Variants in FAM184B observed in about 807,000 individuals in gnomAD.
The protein encoded by FAM184B is protein FAM184B.
A neutral mutation model predicts 135.9 loss-of-function variants in FAM184B; 111 were observed. The ratio of observed to expected loss-of-function variants is 0.82; its 90% CI spans 0.70 to 0.96. FAM184B has a LOEUF of 0.96. FAM184B is among the 40% of genes least tolerant of loss of function. The pLI is 0.00. For synonymous variants in FAM184B, 552 were observed against 524.8 expected, an observed-to-expected ratio of 1.05 and a Z score of -0.71; for missense variants, 1,375 against 1,323.9, an observed-to-expected ratio of 1.04 and a Z score of -0.60.
chr4:17,652,146 T>TTTTTTTTTTTTTTTTTTTTTTTTTTTTTG (rs762642185), intron 11 of FAM184B, among the ~76,000 whole-genome samples: 1 of 131,934 alleles, frequency 7.6e-6, no homozygotes, highest in Non-Finnish European at 1.6e-5. Context: ...TTTTTTTTTT[T>TTTTTTTTTTTTTTTTTTTTTTTTTTTTTG]TTGAGTCTTG....
intron 11 of FAM184B, among the ~76,000 whole-genome samples, chr4:17,648,409 C>G (rs998154867): frequency 6.6e-6 from 1 of 151,794 alleles, no homozygotes; most frequent in African/African-American, 2.4e-5. Context: ...TGCAGTGACA[C>G]GATCTCGGCT....
At chr4:17,633,581 GA>G in intron 17 of FAM184B, 107 bp downstream of exon 17, 7 of 1,070,322 alleles carry the variant, frequency 6.5e-6, no homozygotes, top group South Asian at 2.1e-5. Context: ...AATCATCCAT[GA>G]AAAAAGGCCT....
At chr4:17,762,793 C>T (rs1718575772) in intron 1 of FAM184B, among the ~76,000 whole-genome samples, 1 of 152,188 alleles carries the variant, frequency 6.6e-6, no homozygotes, top group Admixed American at 6.5e-5. Context: ...TCTAAACCCT[C>T]CAAGTTGTTT....
chr4:17,776,358 G>A (rs77592002), intron 1 of FAM184B, among the ~76,000 whole-genome samples: 2,085 of 152,276 alleles, frequency 0.014, 51 homozygotes, highest in African/African-American at 0.047. Context: ...GGATGGATAA[G>A]TAAATGTAAT....
At chr4:17,727,244 T>C (rs1263841248) in intron 1 of FAM184B, among the ~76,000 whole-genome samples, 2 of 151,840 alleles carry the variant, frequency 1.3e-5, no homozygotes, top group Non-Finnish European at 2.9e-5. Flanking sequence ...ACACACAGGG[T>C]CATGTGAAAC....
chr4:17,704,003 C>G (rs575814135), intron 5 of FAM184B, among the ~76,000 whole-genome samples: 4 of 151,982 alleles, frequency 2.6e-5, no homozygotes, highest in African/African-American at 9.7e-5. Flanking sequence ...TACAGTCACA[C>G]AGCTTGTGTC....
chr4:17,765,711 C>T (rs545960272), intron 1 of FAM184B, among the ~76,000 whole-genome samples: 1 of 152,286 alleles, frequency 6.6e-6, no homozygotes, highest in Non-Finnish European at 1.5e-5. Context: ...TGTGGTAATG[C>T]GTCCGGAAAT....
chr4:17,757,305 A>G (rs968258526), intron 1 of FAM184B, among the ~76,000 whole-genome samples: 39 of 152,308 alleles, frequency 2.6e-4, no homozygotes, highest in African/African-American at 8.9e-4. Context: ...GAAACCACAG[A>G]TTTAAAAAAT....
rs1470835766 is a variant in FAM184B, at chr4:17,632,689, C to A, written c.3090-64G>T. The A allele has an allele frequency of 2.8e-6, 3 of 1,086,246 alleles. No individual in the cohort carries two copies. The Admixed American group carries it at 7.0e-5, about 25-fold the overall frequency. 67.3% of individuals were successfully genotyped at this position (1,086,246 alleles called of 1,614,324 possible). A position where few individuals can be genotyped will look rare whatever the true frequency, so the allele number is the denominator to read the frequency against. On this transcript the variant is annotated intron_variant, in intron 17 of 17. Coordinates refer to ENST00000265018, the MANE Select transcript of FAM184B (RefSeq NM_015688.2). ...ACTATGCAAGAAGCAGCTTAATACC[C>A]ACCATCTTTTCAGGGAAAGATAACT...
At position 17,707,764 on chromosome 4, in the gene FAM184B, C is replaced by G. The variant is rs1717151530; in HGVS notation, c.915G>C (p.Lys305Asn). ...ACTCTGAATTCTCCTGTCGAGCCTCCTTAAGCTGCACATCCAGGTCCTAAA... is the reference window on the plus strand; with the variant it reads ...ACTCTGAATTCTCCTGTCGAGCCTCGTTAAGCTGCACATCCAGGTCCTAAA... ...ERIQDLDVQL[K>N]EARQENSELK... The change falls in exon 3 of 18, where the codon AAG becomes AAC. Residue 305 changes from lysine to asparagine, a missense_variant. Lys to Asn is a moderately conservative substitution (Grantham distance 94). Transcript: ENST00000265018. The G allele has an allele frequency of 2.6e-6, 4 of 1,551,886 alleles. No homozygotes were observed. The highest frequency in any genetic ancestry group is 2.0e-5 in the Admixed American group (1 of 50,988).
At chr4:17,655,112 C>G (rs933814705) in intron 10 of FAM184B, among the ~76,000 whole-genome samples, 2 of 152,164 alleles carry the variant, frequency 1.3e-5, no homozygotes, top group African/African-American at 4.8e-5. Flanking sequence ...TCCCAAAGTT[C>G]TGGGATTACA....
rs1345635790 is a variant in FAM184B, at chr4:17,635,026, A to G, written c.2872T>C (p.Leu958=). The stretch of plus-strand genomic sequence containing the variant: ...CAATTTACCTTCATGGAAGGGGTCA[A>G]ATATCCCGGGTGAGGATTGAAAGAG... ...SFSFNPHPGY[L]TPSMKKKKVE... Residue 958 remains leucine, a synonymous_variant, in exon 16 of 18, where the codon TTG becomes CTG. Coordinates refer to ENST00000265018, the MANE Select transcript of FAM184B (RefSeq NM_015688.2). The G allele has an allele frequency of 5.8e-6, 9 of 1,551,862 alleles. No homozygotes were observed. Among genetic ancestry groups the G allele is most frequent in the South Asian group, 2.4e-5 (2 of 84,048 alleles).
At chr4:17,667,307 T>C (rs569047173) in intron 7 of FAM184B, among the ~76,000 whole-genome samples, 1 of 152,270 alleles carries the variant, frequency 6.6e-6, no homozygotes, top group Non-Finnish European at 1.5e-5. Flanking sequence ...GATTGCTGCA[T>C]TGTCATGAAA....
chr4:17,765,513 T>A (rs1718649466), intron 1 of FAM184B, among the ~76,000 whole-genome samples: 1 of 150,188 alleles, frequency 6.7e-6, no homozygotes, highest in Non-Finnish European at 1.5e-5. Flanking sequence ...TCCCTCGTAT[T>A]GACAATATTT....
chr4:17,764,386 C>T (rs748224698), intron 1 of FAM184B, among the ~76,000 whole-genome samples: 1 of 152,198 alleles, frequency 6.6e-6, no homozygotes, highest in Non-Finnish European at 1.5e-5. Context: ...TGGAAGGGCT[C>T]ATCGAAGCAC....
intron 1 of FAM184B, among the ~76,000 whole-genome samples, chr4:17,710,291 T>C (rs1301621323): frequency 6.6e-6 from 1 of 151,700 alleles, no homozygotes; most frequent in African/African-American, 2.4e-5. Context: ...ACCATTGCAC[T>C]CCAGCCTGGG....
At chr4:17,688,680 CTTT>C (rs34337003) in intron 6 of FAM184B, 149 bp from the exon 7 acceptor site, 749 of 117,526 alleles carry the variant, frequency 6.4e-3, no homozygotes, top group South Asian at 0.022. Flanking sequence ...CTAGAAATGC[CTTT>C]TTTTTTTTTT....
rs969478682 is a variant in FAM184B at position 17,705,753 on chromosome 4, T to C, written c.1169A>G (p.Gln390Arg). 2 of 1,551,630 alleles carry C rather than the reference T, an allele frequency of 1.3e-6. No individual in the cohort carries two copies. The highest frequency in any genetic ancestry group is 2.7e-5 in the African/African-American group (2 of 73,062). ...CPCMKGGTDM[Q>R]TKKEASAETE... is the part of the protein sequence containing the mutation. ...CCCCAGGGCTGGGTCAGACACTACC[T>C]GCATATCTGTGCCTCCTTTCATGCA... The change falls in exon 4 of 18, where the codon CAG becomes CGG. Residue 390 changes from glutamine to arginine, a missense_variant and splice_region_variant. Transcript: ENST00000265018.
At chr4:17,714,326 G>C (rs752303622) in intron 1 of FAM184B, among the ~76,000 whole-genome samples, 17 of 152,076 alleles carry the variant, frequency 1.1e-4, no homozygotes, top group Admixed American at 2.0e-4. Context: ...TGTCATCCTG[G>C]GGCCAATGTG....
Sources: gnomAD v4.1 joint callset for allele counts (sites outside exome capture counted in the v4.1 genomes callset) on GRCh38, gnomAD v4.1.1 for gene constraint, MANE v1.5 for transcripts, NCBI Gene and HGNC (gene_info 2026-07-23, HGNC 2026-07-21) for gene names.